TMEM266: variants seen among roughly 807,000 people sequenced by gnomAD.
The protein encoded by TMEM266 is transmembrane protein 266, also known as Hv1 related protein 1.
TMEM266 carries 33 observed loss-of-function variants against 50.5 expected under a neutral mutation model. The ratio of observed to expected loss-of-function variants is 0.65; its 90% CI spans 0.50 to 0.87. TMEM266 has a LOEUF of 0.87. Ranked by LOEUF, TMEM266 falls within the 40% of genes least tolerant of loss-of-function variation. The pLI, the probability that TMEM266 is intolerant of heterozygous loss-of-function variation, is 0.00. For synonymous variants in TMEM266, 310 were observed against 292.3 expected (o/e 1.06, Z -0.62); for missense variants, 655 against 695.1 (o/e 0.94, Z 0.65).
chr15:76,109,562 T>C (rs77787348), intron 1 of TMEM266, among the ~76,000 whole-genome samples: 12,264 of 152,238 alleles, frequency 0.081, 808 homozygotes, highest in Admixed American at 0.21. Context: ...CATGGGAGGC[T>C]GAGGCAGGAG....
intron 6 of TMEM266, among the ~76,000 whole-genome samples, chr15:76,170,791 A>C (rs1242794114): frequency 1.3e-5 from 2 of 152,162 alleles, no homozygotes; most frequent in Non-Finnish European, 2.9e-5. Context: ...TGGAGGACAG[A>C]GTGCATTCAG....
chr15:76,140,331 T>C (rs955557170), intron 3 of TMEM266, among the ~76,000 whole-genome samples: 3 of 152,186 alleles, frequency 2.0e-5, no homozygotes, highest in Non-Finnish European at 4.4e-5. Flanking sequence ...AGGAACGGCC[T>C]CTCTCCGCGA....
intron 1 of TMEM266, among the ~76,000 whole-genome samples, chr15:76,060,895 T>C (rs2036289133): frequency 6.6e-6 from 1 of 152,198 alleles, no homozygotes; most frequent in Non-Finnish European, 1.5e-5. Flanking sequence ...TAATGCTGCT[T>C]GGCTTTTCTT....
chr15:76,203,328 A>T (rs148948374), intron 10 of TMEM266, among the ~76,000 whole-genome samples: 7 of 152,198 alleles, frequency 4.6e-5, no homozygotes, highest in African/African-American at 1.7e-4. Context: ...AAACAAAGCC[A>T]CAAAAGCCCA....
chr15:76,076,987 C>T (rs961218442), intron 1 of TMEM266, among the ~76,000 whole-genome samples: 2 of 151,728 alleles, frequency 1.3e-5, no homozygotes, highest in African/African-American at 4.9e-5. Context: ...TTTTTTGAGA[C>T]AAGGCCTCAC....
Position 76,115,496 on chromosome 15 carries a change from C to CT in TMEM266, c.-96-18666dup, listed in dbSNP as rs113359371. Among the ~76,000 whole-genome samples, 952 of 152,260 alleles carry CT rather than the reference C, an allele frequency of 6.3e-3. 8 individuals are homozygous for CT. Among genetic ancestry groups the CT allele is most frequent in the African/African-American group, 0.022 (914 of 41,552 alleles). On this transcript the variant is annotated intron_variant, in intron 1 of 10. Coordinates refer to ENST00000388942, the MANE Select transcript of TMEM266 (RefSeq NM_152335.3). ...TCTGCTCTCTGGCTCCTGAAATGTG[C>CT]TTTTTTAAGTTCCCTAGAAACCCAC...
intron 2 of TMEM266, 80 bp downstream of exon 2, chr15:76,134,381 G>A: frequency 6.8e-7 from 1 of 1,478,162 alleles, no homozygotes; most frequent in Admixed American, 1.7e-5. Context: ...TTCTAATTTA[G>A]GCAGCCACTA....
At chr15:76,082,261 A>C (rs1596091265) in intron 1 of TMEM266, among the ~76,000 whole-genome samples, 1 of 152,186 alleles carries the variant, frequency 6.6e-6, no homozygotes, top group Non-Finnish European at 1.5e-5. Flanking sequence ...TTGCATTGCT[A>C]TAAGGGAATA....
intron 1 of TMEM266, chr15:76,113,607 G>A (rs1192884909): frequency 2.0e-5 from 3 of 152,248 alleles, no homozygotes; most frequent in African/African-American, 7.2e-5. Flanking sequence ...CCAGGTGGCA[G>A]CGTATAGGAT....
At chr15:76,077,886 A>G (rs1181664470) in intron 1 of TMEM266, among the ~76,000 whole-genome samples, 1 of 152,114 alleles carries the variant, frequency 6.6e-6, no homozygotes, top group Non-Finnish European at 1.5e-5. Flanking sequence ...GCCAAAAGAA[A>G]CTAATATAGA....
intron 1 of TMEM266, among the ~76,000 whole-genome samples, chr15:76,119,641 C>G (rs11854030): frequency 0.16 from 24,318 of 151,910 alleles, 2,532 homozygotes; most frequent in East Asian, 0.4. Flanking sequence ...GTGGAGAGCC[C>G]CTGTAGTCCC....
At chr15:76,089,472 C>G in intron 1 of TMEM266, among the ~76,000 whole-genome samples, 1 of 152,054 alleles carries the variant, frequency 6.6e-6, no homozygotes, top group Non-Finnish European at 1.5e-5. Context: ...GGATTACAGG[C>G]TTGAGCCACC....
chr15:76,101,408 A>G (rs2036997444), intron 1 of TMEM266, among the ~76,000 whole-genome samples: 1 of 152,328 alleles, frequency 6.6e-6, no homozygotes, highest in South Asian at 2.1e-4. Context: ...ACTGGTCTGA[A>G]AGATAGGCTG....
intron 3 of TMEM266, among the ~76,000 whole-genome samples, chr15:76,147,035 T>A (rs1440576381): frequency 1.3e-5 from 2 of 152,292 alleles, no homozygotes; most frequent in African/African-American, 4.8e-5. Context: ...TGGGGCTGCA[T>A]GCAAATAAGG....
intron 2 of TMEM266, among the ~76,000 whole-genome samples, chr15:76,135,096 T>G (rs1338054363): frequency 6.6e-6 from 1 of 152,208 alleles, no homozygotes. Flanking sequence ...CTGGCTCTTC[T>G]ACCATCTAAC....
intron 1 of TMEM266, among the ~76,000 whole-genome samples, chr15:76,107,985 C>G (rs2037110234): frequency 6.6e-6 from 1 of 152,236 alleles, no homozygotes; most frequent in African/African-American, 2.4e-5. Flanking sequence ...ACTTGCCATA[C>G]ATCGTCCTTT....
intron 1 of TMEM266, among the ~76,000 whole-genome samples, chr15:76,073,378 A>C (rs1596085386): frequency 6.7e-6 from 1 of 150,196 alleles, no homozygotes; most frequent in South Asian, 2.1e-4. Flanking sequence ...GATTACAGGT[A>C]CCCGCCACCA....
At chr15:76,105,925 A>G (rs754736659) in intron 1 of TMEM266, among the ~76,000 whole-genome samples, 2 of 152,222 alleles carry the variant, frequency 1.3e-5, no homozygotes, top group Admixed American at 6.5e-5. Context: ...CATTGTGTAC[A>G]GGGAAGGTTT....
chr15:76,112,422 C>G (rs1374425120), intron 1 of TMEM266: 1 of 152,172 alleles, frequency 6.6e-6, no homozygotes, highest in Non-Finnish European at 1.5e-5. Flanking sequence ...ACTTTCTGCT[C>G]AGTTTTTCTA....
Sources: allele counts gnomAD v4.1 joint callset (sites outside exome capture counted in the v4.1 genomes callset), GRCh38; gene constraint gnomAD v4.1.1; transcripts MANE v1.5; gene names NCBI Gene and HGNC (gene_info 2026-07-23, HGNC 2026-07-21).